The following GNA12 variants were observed in gnomAD, a reference collection of about 807,000 sequenced individuals.
GNA12 encodes the protein guanine nucleotide-binding protein subunit alpha-12.
In GNA12, 9 loss-of-function variants were observed where a neutral mutation model predicts 26.0. The ratio of observed to expected loss-of-function variants is 0.35; its 90% CI spans 0.21 to 0.60. The LOEUF is 0.60. Ranked by LOEUF, GNA12 falls within the 20% of genes least tolerant of loss-of-function variation. The pLI is 0.78. For synonymous variants in GNA12, 264 were observed against 219.6 expected, an observed-to-expected ratio of 1.20 and a Z score of -1.79; for missense variants, 405 against 525.8, an observed-to-expected ratio of 0.77 and a Z score of 2.25.
At chr7:2,826,099 C>A (rs757998312) in intron 1 of GNA12, among the ~76,000 whole-genome samples, 38 of 152,016 alleles carry the variant, frequency 2.5e-4, no homozygotes, top group Non-Finnish European at 5.1e-4. Flanking sequence ...CATACTCGGG[C>A]CGGGGGCGGT....
chr7:2,830,369 CCTT>C (rs1793576937), intron 1 of GNA12, among the ~76,000 whole-genome samples: 1 of 152,176 alleles, frequency 6.6e-6, no homozygotes, highest in African/African-American at 2.4e-5. Flanking sequence ...AAAATACTGG[CCTT>C]CTGACTAAAG....
intron 2 of GNA12, among the ~76,000 whole-genome samples, chr7:2,759,242 A>G (rs1165796363): frequency 1.3e-5 from 2 of 152,180 alleles, no homozygotes; most frequent in African/African-American, 4.8e-5. Flanking sequence ...CTGAAGAAAT[A>G]AGTCATAAAA....
chr7:2,791,236 G>A (rs960089226), intron 2 of GNA12, among the ~76,000 whole-genome samples: 1 of 152,226 alleles, frequency 6.6e-6, no homozygotes, highest in Non-Finnish European at 1.5e-5. Flanking sequence ...TGTTTTGGAA[G>A]ATAAGGTCTA....
chr7:2,782,373 T>A lies in GNA12; in HGVS notation c.525+12555A>T, dbSNP rs74787263. 9.3e-3 allele frequency among the ~76,000 whole-genome samples: 1,418 copies of A among 152,360 alleles called. 10 individuals are homozygous for A. The highest frequency in any genetic ancestry group is 0.075 in the Middle Eastern group (22 of 294). On this transcript the variant is annotated intron_variant, in intron 2 of 3. Coordinates refer to ENST00000275364, the MANE Select transcript of GNA12 (RefSeq NM_007353.3). Reference sequence around the variant, plus strand: ...CCTGTTTCAAGTGTAGTTCCTATGATTCCTGTTGGGAGGATTTGCTACCCA... The same window carrying A: ...CCTGTTTCAAGTGTAGTTCCTATGAATCCTGTTGGGAGGATTTGCTACCCA...
chr7:2,835,955 G>A (rs1778825029), intron 1 of GNA12: 2 of 501,394 alleles, frequency 4.0e-6, no homozygotes, highest in African/African-American at 2.0e-5. Context: ...CAGTGGGTGT[G>A]AGCAGATTTG....
At chr7:2,796,222 C>G (rs1454462328) in intron 1 of GNA12, among the ~76,000 whole-genome samples, 1 of 152,136 alleles carries the variant, frequency 6.6e-6, no homozygotes, top group East Asian at 1.9e-4. Flanking sequence ...TGAACGGTAC[C>G]AAGCCCTACC....
chr7:2,734,172 G>A (rs1330980233), intron 2 of GNA12, among the ~76,000 whole-genome samples: 2 of 152,186 alleles, frequency 1.3e-5, no homozygotes, highest in African/African-American at 4.8e-5. Flanking sequence ...GAATCACCCA[G>A]GACCCCGTTT....
intron 2 of GNA12, among the ~76,000 whole-genome samples, chr7:2,737,284 T>TTTTTTTTTTTA (rs1790250225): frequency 1.6e-5 from 1 of 61,894 alleles, no homozygotes; most frequent in East Asian, 3.5e-4. Flanking sequence ...GTTTTTTTTT[T>TTTTTTTTTTTA]TTTTGTTTTT....
chr7:2,742,358 T>A (rs1790550254), intron 2 of GNA12, among the ~76,000 whole-genome samples: 1 of 152,174 alleles, frequency 6.6e-6, no homozygotes, highest in African/African-American at 2.4e-5. Context: ...CCCACGGCCC[T>A]TGGGGTTTTT....
intron 2 of GNA12, chr7:2,764,866 G>C (rs535699151): frequency 1.3e-5 from 2 of 152,344 alleles, no homozygotes; most frequent in African/African-American, 4.8e-5. Context: ...CTTAGTGAAT[G>C]AGGTCCTCAG....
chr7:2,741,426 C>T lies in GNA12; in HGVS notation c.526-7925G>A, dbSNP rs117475560. 9.2e-3 allele frequency among the ~76,000 whole-genome samples: 1,402 copies of T among 152,246 alleles called. 12 individuals are homozygous for T. The highest frequency in any genetic ancestry group is 0.071 in the Middle Eastern group (21 of 294). ...AGCTCACCCAGTTTCCAGAGGCTTC[C>T]ACCACAGAATCTCTAAAACCCAGCA... is the stretch of plus-strand genomic sequence containing the variant. On this transcript the variant is annotated intron_variant, in intron 2 of 3. Coordinates refer to ENST00000275364, the MANE Select transcript of GNA12 (RefSeq NM_007353.3).
Position 2,844,101 on chromosome 7 carries a change from G to C in GNA12, c.61C>G (p.Arg21Gly). ...CLLPAEAGGA[R>G]ERRAGSGARD... ...GCGCCGCTGCCCGCCCTGCGCTCGC[G>C]GGCCCCGCCGGCCTCGGCCGGCAGC... The change falls in exon 1 of 4, where the codon CGC (arginine) becomes GGC (glycine). Residue 21 changes from arginine (R) to glycine (G), a missense_variant. By Grantham distance (125) the Arg-to-Gly change is moderately radical. Coordinates refer to ENST00000275364, the MANE Select transcript of GNA12 (RefSeq NM_007353.3). 1 of 997,352 alleles carries C rather than the reference G, an allele frequency of 1.0e-6. No homozygotes were observed. The highest frequency in any genetic ancestry group is 1.2e-6 in the Non-Finnish European group (1 of 839,974). The allele number at this position is 997,352 out of a possible 1,614,324, so 61.8% of individuals were successfully genotyped here.
intron 1 of GNA12, among the ~76,000 whole-genome samples, chr7:2,820,419 T>A (rs1217288230): frequency 6.6e-6 from 1 of 150,756 alleles, no homozygotes; most frequent in Non-Finnish European, 1.5e-5. Flanking sequence ...TTTTTTTTTT[T>A]AAGCTGAGGC....
chr7:2,764,097 G>A (rs931952860), intron 2 of GNA12, among the ~76,000 whole-genome samples: 3 of 152,002 alleles, frequency 2.0e-5, no homozygotes, highest in Non-Finnish European at 4.4e-5. Context: ...TTGAGACAGG[G>A]TCTCACTCTG....
At chr7:2,749,514 G>A (rs1320026345) in intron 2 of GNA12, among the ~76,000 whole-genome samples, 2 of 150,188 alleles carry the variant, frequency 1.3e-5, no homozygotes, top group Non-Finnish European at 3.0e-5. Flanking sequence ...ACTATTGTGG[G>A]GTAGGGGGAG....
intron 2 of GNA12, among the ~76,000 whole-genome samples, chr7:2,735,853 G>A (rs767510774): frequency 6.6e-6 from 1 of 152,140 alleles, no homozygotes; most frequent in African/African-American, 2.4e-5. Flanking sequence ...ACTGTAAGGT[G>A]CCAGGGACTG....
chr7:2,740,843 G>C (rs1284052538), intron 2 of GNA12, among the ~76,000 whole-genome samples: 1 of 152,204 alleles, frequency 6.6e-6, no homozygotes, highest in African/African-American at 2.4e-5. Context: ...GAGAGATCTA[G>C]ACCATCCTGA....
At chr7:2,832,139 T>A (rs950505384) in intron 1 of GNA12, among the ~76,000 whole-genome samples, 11 of 152,220 alleles carry the variant, frequency 7.2e-5, no homozygotes, top group Admixed American at 5.2e-4. Flanking sequence ...TCCAGGTGGA[T>A]GTGTTCATCC....
At chr7:2,796,197 C>T (rs1562433425) in intron 1 of GNA12, among the ~76,000 whole-genome samples, 1 of 152,114 alleles carries the variant, frequency 6.6e-6, no homozygotes, top group East Asian at 1.9e-4. Flanking sequence ...AGTTCCAAGA[C>T]CCTCAGTGGA....
Sources: allele counts gnomAD v4.1 joint callset (sites outside exome capture counted in the v4.1 genomes callset), GRCh38; gene constraint gnomAD v4.1.1; transcripts MANE v1.5; gene names NCBI Gene and HGNC (gene_info 2026-07-23, HGNC 2026-07-21).